Variants in LY6G6D observed in about 807,000 individuals in gnomAD.
LY6G6D encodes lymphocyte antigen 6 family member G6D.
Under a neutral mutation model 8.5 loss-of-function variants are expected in LY6G6D, and 5 were observed. The ratio of observed to expected loss-of-function variants is 0.59; its 90% confidence interval spans 0.31 to 1.24. The LOEUF is 1.24. Ranked by LOEUF, LY6G6D falls within the 50% of genes most tolerant of loss-of-function variation. The probability of loss-of-function intolerance (pLI) is 0.07; values close to 1 mark genes in which losing one functional copy is unlikely to be tolerated. For synonymous variants in LY6G6D, 65 were observed against 69.6 expected (o/e 0.93, Z 0.33); for missense variants, 154 against 170.4 (o/e 0.90, Z 0.53).
intron 2 of LY6G6D, among the ~76,000 whole-genome samples, chr6:31,715,992 CAT>C (rs1393979804): frequency 7.5e-6 from 1 of 133,124 alleles, no homozygotes; most frequent in Non-Finnish European, 1.7e-5. Context: ...TGTGTGTGTA[CAT>C]GTTTTTAATA....
intron 1 of LY6G6D, 38 bp downstream of exon 1, chr6:31,715,448 C>T (rs372701738): frequency 1.2e-6 from 2 of 1,605,898 alleles, no homozygotes; most frequent in African/African-American, 2.7e-5. Flanking sequence ...CACAGGCCTT[C>T]TGCCAGCCGG....
In LY6G6D at chr6:31,717,898, T is replaced by C; in HGVS notation, c.*94T>C. The C allele has an allele frequency of 5.4e-6, 8 of 1,486,406 alleles. No individual in the cohort carries two copies. The highest frequency in any genetic ancestry group is 7.1e-6 in the Non-Finnish European group (8 of 1,124,540). 92.1% of individuals were successfully genotyped at this position (1,486,406 alleles called of 1,614,324 possible). The stretch of plus-strand genomic sequence containing the variant: ...AAGAGAAACATCCTTCTGTGAGTCA[T>C]TAAAATCTATGAACCACTCTACAGC... On this transcript the variant is annotated 3_prime_UTR_variant, in exon 3 of 3. Transcript: ENST00000375825. The surrounding 1 kb of genome is among the most constrained non-coding windows in gnomAD (Gnocchi z 5.0).
At position 31,717,394 on chromosome 6, in the gene LY6G6D, C is replaced by G; in HGVS notation, c.179-187C>G. On this transcript the variant is annotated intron_variant, in intron 2 of 2. Transcript: ENST00000375825. This position sits in a 1 kb window ranked among gnomAD's most constrained non-coding sequence, Gnocchi z 5.0. ...GAATACTGCAGAAGTGATGTTGCATCCTTCTTGCTGCATCACATCAGGAGT... is the reference window on the plus strand; with the variant it reads ...GAATACTGCAGAAGTGATGTTGCATGCTTCTTGCTGCATCACATCAGGAGT... The G allele has an allele frequency of 7.0e-7, 1 of 1,437,952 alleles. No homozygotes were observed. Among genetic ancestry groups the G allele is most frequent in the Non-Finnish European group, 9.4e-7 (1 of 1,060,260 alleles). The allele number at this position is 1,437,952 out of a possible 1,614,324, so 89.1% of individuals were successfully genotyped here.
Position 31,717,771 on chromosome 6 carries a change from G to C in LY6G6D, c.369G>C (p.Leu123=). The C allele has an allele frequency of 6.2e-7, 1 of 1,613,718 alleles. No individual in the cohort carries two copies. The highest frequency in any genetic ancestry group is 2.2e-5 in the East Asian group (1 of 44,890). ...TTTTGGCTGCAGCAGCTACCGCCCT[G>C]ACCTGTCTCTTGCCAGGACTGTGGA... ...AGILAAAATA[L]TCLLPGLWSG is the part of the protein sequence containing the mutation. The change falls in exon 3 of 3, where the codon CTG becomes CTC. Residue 123 remains leucine (L), a synonymous_variant. Coordinates refer to ENST00000375825, the MANE Select transcript of LY6G6D (RefSeq NM_021246.4). This position sits in a 1 kb window ranked among gnomAD's most constrained non-coding sequence, Gnocchi z 5.0.
chr6:31,717,865 A>T lies in LY6G6D; in HGVS notation c.*61A>T, dbSNP rs567903620. On this transcript the variant is annotated 3_prime_UTR_variant, in exon 3 of 3. Transcript: ENST00000375825. This position sits in a 1 kb window ranked among gnomAD's most constrained non-coding sequence, Gnocchi z 5.0. ...GGGAACAAGGGACATCTGAACATCT[A>T]ATGTGAGAAGAGAAACATCCTTCTG... 54 of 1,544,950 alleles carry T rather than the reference A, an allele frequency of 3.5e-5. No individual in the cohort carries two copies. In the Admixed American group the frequency reaches 4.0e-4, roughly 11 times the overall value.
rs1562157605 is a variant in LY6G6D, at chr6:31,716,428, A to C, written c.178+804A>C. Among the ~76,000 whole-genome samples the C allele has an allele frequency of 6.6e-6, 1 of 151,968 alleles. No homozygotes were observed. Among genetic ancestry groups the C allele is most frequent in the African/African-American group, 2.4e-5 (1 of 41,338 alleles). ...ACATAGGGAGACCCTGTCTCTACAAAAAACAAACAAACAAACAAACAAACA... is the reference window on the plus strand; with the variant it reads ...ACATAGGGAGACCCTGTCTCTACAACAAACAAACAAACAAACAAACAAACA... On this transcript the variant is annotated intron_variant, in intron 2 of 2. Transcript: ENST00000375825. This position sits in a 1 kb window ranked among gnomAD's most constrained non-coding sequence, Gnocchi z 5.1.
In LY6G6D at chr6:31,717,425, A is replaced by C. The variant is rs1806509121; in HGVS notation, c.179-156A>C. 2.5e-6 allele frequency: 4 copies of C among 1,571,672 alleles called. No individual in the cohort carries two copies. The highest frequency in any genetic ancestry group is 3.5e-6 in the Non-Finnish European group (4 of 1,156,572). On this transcript the variant is annotated intron_variant, in intron 2 of 2. Transcript: ENST00000375825. The surrounding 1 kb of genome is among the most constrained non-coding windows in gnomAD (Gnocchi z 5.0). ...TGCTGCATCACATCAGGAGTTTACAAGGTCAATGCATTAACTTTGATCACT... is the reference window on the plus strand; with the variant it reads ...TGCTGCATCACATCAGGAGTTTACACGGTCAATGCATTAACTTTGATCACT...
chr6:31,715,577 A>G lies in LY6G6D; in HGVS notation c.131A>G (p.Glu44Gly). ...SCKEAVTTCG[E>G]GRPQPGLEQI... ...AAAGAGGCCGTGACCACCTGTGGCG[A>G]GGGCAGACCCCAGCCAGGCCTGGAA... The change falls in exon 2 of 3, where the codon GAG becomes GGG. Residue 44 changes from glutamate to glycine, a missense_variant. Glu to Gly is a moderately conservative substitution (Grantham distance 98). Transcript: ENST00000375825. 1 of 1,613,068 alleles carries G rather than the reference A, an allele frequency of 6.2e-7. No individual in the cohort carries two copies. The highest frequency in any genetic ancestry group is 1.6e-4 in the Middle Eastern group (1 of 6,062).
Position 31,715,635 on chromosome 6 carries a change from A to C in LY6G6D, c.178+11A>C. ...AGCTACCTGGAAACCGTGAGTCCTC[A>C]GTTTCTCCCTCTTCCAGCAGCCTTT... On this transcript the variant is annotated intron_variant, in intron 2 of 2. Coordinates refer to ENST00000375825, the MANE Select transcript of LY6G6D (RefSeq NM_021246.4). 2 of 1,609,726 alleles carry C rather than the reference A, an allele frequency of 1.2e-6. No homozygotes were observed. The highest frequency in any genetic ancestry group is 1.7e-6 in the Non-Finnish European group (2 of 1,177,274).
chr6:31,715,717 C>G (rs747329941), intron 2 of LY6G6D, 93 bp downstream of exon 2: 32 of 1,539,632 alleles, frequency 2.1e-5, no homozygotes, highest in Non-Finnish European at 2.7e-5. Context: ...CAGGCTCAGT[C>G]TGGCTCTGGG....
rs1446549512 is a variant in LY6G6D, at chr6:31,716,237, T to G, written c.178+613T>G. On this transcript the variant is annotated intron_variant, in intron 2 of 2. Coordinates refer to ENST00000375825, the MANE Select transcript of LY6G6D (RefSeq NM_021246.4). The surrounding 1 kb of genome is among the most constrained non-coding windows in gnomAD (Gnocchi z 5.1). The stretch of plus-strand genomic sequence containing the variant: ...GTGCCAGTTCTGTTTTTCTTTGTCT[T>G]TCATGACCCTGACACATTTGAAGAG... 6.6e-6 allele frequency among the ~76,000 whole-genome samples: 1 copy of G among 152,172 alleles called. No individual in the cohort carries two copies. The highest frequency in any genetic ancestry group is 1.5e-5 in the Non-Finnish European group (1 of 68,040).
rs768393715 is a variant in LY6G6D, at chr6:31,717,620, C to T, written c.218C>T (p.Ala73Val). The T allele has an allele frequency of 1.2e-6, 2 of 1,614,244 alleles. No homozygotes were observed. The highest frequency in any genetic ancestry group is 1.1e-5 in the South Asian group (1 of 91,092). The part of the protein sequence containing the change: ...TLIHQHPACV[A>V]AHHCNQVETE... ...ATTCACCAACATCCAGCCTGCGTCGCAGCCCATCATTGCAATCAAGTGGAG... is the reference window on the plus strand; with the variant it reads ...ATTCACCAACATCCAGCCTGCGTCGTAGCCCATCATTGCAATCAAGTGGAG... The change falls in exon 3 of 3, where the codon GCA (alanine) becomes GTA (valine). Residue 73 changes from alanine (A) to valine (V), a missense_variant. Coordinates refer to ENST00000375825, the MANE Select transcript of LY6G6D (RefSeq NM_021246.4). The surrounding 1 kb of genome is among the most constrained non-coding windows in gnomAD (Gnocchi z 5.0).
chr6:31,717,673 C>A lies in LY6G6D; in HGVS notation c.271C>A (p.Pro91Thr). The change falls in exon 3 of 3, where the codon CCA becomes ACA. Residue 91 changes from proline (P) to threonine (T), a missense_variant. Physicochemically the swap from Pro to Thr is conservative, Grantham distance 38. Coordinates refer to ENST00000375825, the MANE Select transcript of LY6G6D (RefSeq NM_021246.4). The surrounding 1 kb of genome is among the most constrained non-coding windows in gnomAD (Gnocchi z 5.0). ...ETESVGDVTY[P>T]AHRDCYLGDL... ...AGAGTCGGTGGGAGACGTGACTTAT[C>A]CAGCCCACAGGGACTGCTACCTGGG... The A allele has an allele frequency of 6.2e-7, 1 of 1,614,046 alleles. No individual in the cohort carries two copies. The highest frequency in any genetic ancestry group is 8.5e-7 in the Non-Finnish European group (1 of 1,180,004).
Position 31,717,564 on chromosome 6 carries a change from T to TGG in LY6G6D, c.179-17_179-16insGG, listed in dbSNP as rs751878187. On this transcript the variant is annotated splice_polypyrimidine_tract_variant and intron_variant, in intron 2 of 2. Coordinates refer to ENST00000375825, the MANE Select transcript of LY6G6D (RefSeq NM_021246.4). This position sits in a 1 kb window ranked among gnomAD's most constrained non-coding sequence, Gnocchi z 5.0. Reference sequence around the variant, plus strand: ...GAAGCCAGGAGTCCAACACCCCAGTTTCATTCTCTCTCTCAGCCCCAGTGA... The same window carrying TGG: ...GAAGCCAGGAGTCCAACACCCCAGTTGGTCATTCTCTCTCTCAGCCCCAGTGA... 16 of 1,614,066 alleles carry TGG rather than the reference T, an allele frequency of 9.9e-6. No individual in the cohort carries two copies. The highest frequency in any genetic ancestry group is 2.7e-5 in the African/African-American group (2 of 74,930).
At position 31,717,460 on chromosome 6, in the gene LY6G6D, G is replaced by A. The variant is rs754277553; in HGVS notation, c.179-121G>A. 4 of 1,608,900 alleles carry A rather than the reference G, an allele frequency of 2.5e-6. No individual in the cohort carries two copies. The East Asian group carries it at 6.7e-5, about 27-fold the overall frequency. On this transcript the variant is annotated intron_variant, in intron 2 of 2. Transcript: ENST00000375825. The surrounding 1 kb of genome is among the most constrained non-coding windows in gnomAD (Gnocchi z 5.0). ...ATTAACTTTGATCACTTGGTTTCAG[G>A]GAGGTGTTTTTTGAGGGGGCTGAAA...
rs781188065 is a variant in LY6G6D at position 31,717,473 on chromosome 6, G to A, written c.179-108G>A. The A allele has an allele frequency of 1.9e-6, 3 of 1,608,854 alleles. No homozygotes were observed. The Admixed American group carries it at 5.1e-5, about 27-fold the overall frequency. ...ACTTGGTTTCAGGGAGGTGTTTTTT[G>A]AGGGGGCTGAAAATCCCTTTGGGCT... is the stretch of plus-strand genomic sequence containing the variant. On this transcript the variant is annotated intron_variant, in intron 2 of 2. Transcript: ENST00000375825. The surrounding 1 kb of genome is among the most constrained non-coding windows in gnomAD (Gnocchi z 5.0).
In LY6G6D at chr6:31,717,565, T is replaced by C. The variant is rs55652519; in HGVS notation, c.179-16T>C. 1.2e-6 allele frequency: 2 copies of C among 1,614,226 alleles called. No homozygotes were observed. The highest frequency in any genetic ancestry group is 2.2e-5 in the South Asian group (2 of 91,084). On this transcript the variant is annotated splice_polypyrimidine_tract_variant and intron_variant, in intron 2 of 2. Coordinates refer to ENST00000375825, the MANE Select transcript of LY6G6D (RefSeq NM_021246.4). The surrounding 1 kb of genome is among the most constrained non-coding windows in gnomAD (Gnocchi z 5.0). Reference sequence around the variant, plus strand: ...AAGCCAGGAGTCCAACACCCCAGTTTCATTCTCTCTCTCAGCCCCAGTGAC... The same window carrying C: ...AAGCCAGGAGTCCAACACCCCAGTTCCATTCTCTCTCTCAGCCCCAGTGAC...
At position 31,717,857 on chromosome 6, in the gene LY6G6D, G is replaced by T; in HGVS notation, c.*53G>T. The T allele has an allele frequency of 6.4e-7, 1 of 1,559,696 alleles. No homozygotes were observed. The stretch of plus-strand genomic sequence containing the variant: ...GGGAGCAAGGGAACAAGGGACATCT[G>T]AACATCTAATGTGAGAAGAGAAACA... On this transcript the variant is annotated 3_prime_UTR_variant, in exon 3 of 3. Transcript: ENST00000375825. This position sits in a 1 kb window ranked among gnomAD's most constrained non-coding sequence, Gnocchi z 5.0.
Position 31,717,639 on chromosome 6 carries a change from A to T in LY6G6D, c.237A>T (p.Gln79His), listed in dbSNP as rs771781132. ...GCGTCGCAGCCCATCATTGCAATCA[A>T]GTGGAGACAGAGTCGGTGGGAGACG... is the stretch of plus-strand genomic sequence containing the variant. The part of the protein sequence containing the change: ...PACVAAHHCN[Q>H]VETESVGDVT... The change falls in exon 3 of 3, where the codon CAA becomes CAT. Residue 79 changes from glutamine to histidine, a missense_variant. Physicochemically the swap from Gln to His is conservative, Grantham distance 24. Transcript: ENST00000375825. This position sits in a 1 kb window ranked among gnomAD's most constrained non-coding sequence, Gnocchi z 5.0. 5.0e-6 allele frequency: 8 copies of T among 1,614,182 alleles called. No homozygotes were observed. Among genetic ancestry groups the T allele is most frequent in the Non-Finnish European group, 6.8e-6 (8 of 1,180,026 alleles).
Sources: gnomAD v4.1 joint callset for allele counts (sites outside exome capture counted in the v4.1 genomes callset) on GRCh38, gnomAD v4.1.1 for gene constraint, Gnocchi (gnomAD v3.1) non-coding constraint, MANE v1.5 for transcripts, NCBI Gene and HGNC (gene_info 2026-07-23, HGNC 2026-07-21) for gene names.